Variants in LRRC7 observed in about 807,000 individuals in gnomAD.
LRRC7 encodes leucine-rich repeat-containing protein 7.
LRRC7 carries 23 observed loss-of-function variants against 175.7 expected under a neutral mutation model. The ratio of observed to expected loss-of-function variants is 0.13; its 90% CI spans 0.09 to 0.19. The LOEUF is 0.19. LRRC7 is among the 10% of genes least tolerant of loss of function. LRRC7 has a pLI of 1.00. For missense variants in LRRC7, 1,354 were observed against 1,904.7 expected (o/e 0.71, Z 5.38); for synonymous variants, 685 against 680.9 (o/e 1.01, Z -0.09).
chr1:69,966,111 G>GA (rs996675472), intron 8 of LRRC7, among the ~76,000 whole-genome samples: 6 of 151,964 alleles, frequency 3.9e-5, no homozygotes, highest in Admixed American at 2.0e-4. Flanking sequence ...TCAAAATTTA[G>GA]AAAAAAATGT....
In LRRC7 at chr1:69,594,429, A is replaced by G. The variant is rs985653092; in HGVS notation, c.2+25788A>G. On this transcript the variant is annotated intron_variant, in intron 1 of 26. Transcript: ENST00000651989. ...AAGCATTCCAGATATAAACAATCAC[A>G]TAAGTATTCTCATGTTTTCTTCTTC... Among the ~76,000 whole-genome samples the G allele has an allele frequency of 2.0e-5, 3 of 152,194 alleles. No homozygotes were observed. The East Asian group carries it at 5.8e-4, about 29-fold the overall frequency.
chr1:69,677,540 T>C (rs1659946234), intron 1 of LRRC7, among the ~76,000 whole-genome samples: 1 of 151,994 alleles, frequency 6.6e-6, no homozygotes, highest in African/African-American at 2.4e-5. Context: ...AACAGCAGTG[T>C]ATAAGTGTTC....
At chr1:69,569,259 A>G (rs1253677297) in intron 1 of LRRC7, among the ~76,000 whole-genome samples, 1 of 151,918 alleles carries the variant, frequency 6.6e-6, no homozygotes, top group Non-Finnish European at 1.5e-5. Flanking sequence ...AGACTGGAGG[A>G]CGGAAAGAAG....
At chr1:70,018,893 T>C in intron 15 of LRRC7, 75 bp downstream of exon 15, 1 of 1,095,392 alleles carries the variant, frequency 9.1e-7, no homozygotes, top group Non-Finnish European at 1.4e-6. Flanking sequence ...TTCAGATCTC[T>C]GGCCAGGAGT....
chr1:69,802,347 C>CTATATCTT (rs536237803), intron 4 of LRRC7, among the ~76,000 whole-genome samples: 200 of 151,394 alleles, frequency 1.3e-3, no homozygotes, highest in African/African-American at 4.5e-3. Context: ...TGTATTGCAT[C>CTATATCTT]TATATCTTTT....
At chr1:69,637,580 G>C (rs1009033863) in intron 1 of LRRC7, among the ~76,000 whole-genome samples, 11 of 151,844 alleles carry the variant, frequency 7.2e-5, no homozygotes, top group African/African-American at 2.7e-4. Context: ...GATTTTTGGG[G>C]AATTAAATGA....
chr1:69,664,764 C>T (rs913230925), intron 1 of LRRC7, among the ~76,000 whole-genome samples: 3 of 152,060 alleles, frequency 2.0e-5, no homozygotes, highest in Admixed American at 1.3e-4. Context: ...TGTTGTTTCA[C>T]TTTGTTGATT....
At chr1:69,735,620 G>A (rs957365891) in intron 2 of LRRC7, among the ~76,000 whole-genome samples, 2 of 152,102 alleles carry the variant, frequency 1.3e-5, no homozygotes, top group Non-Finnish European at 1.5e-5. Flanking sequence ...GGGTTTGAAA[G>A]TGTGTGAATA....
chr1:69,914,944 C>A (rs1276042310), intron 7 of LRRC7, among the ~76,000 whole-genome samples: 5 of 152,046 alleles, frequency 3.3e-5, no homozygotes, highest in Non-Finnish European at 7.4e-5. Flanking sequence ...AACTGTAGAG[C>A]ACATATTTTT....
At chr1:69,579,794 C>CTTTT (rs71242784) in intron 1 of LRRC7, among the ~76,000 whole-genome samples, 9 of 127,172 alleles carry the variant, frequency 7.1e-5, no homozygotes, top group African/African-American at 1.2e-4. Context: ...TGAATAGAAG[C>CTTTT]TTTTTTTTTT....
At chr1:69,643,069 T>C (rs1227107050) in intron 1 of LRRC7, among the ~76,000 whole-genome samples, 1 of 152,030 alleles carries the variant, frequency 6.6e-6, no homozygotes, top group East Asian at 1.9e-4. Flanking sequence ...GTGTAAGTCC[T>C]GAAATCTGAA....
At chr1:69,774,450 G>A (rs747083982) in intron 3 of LRRC7, among the ~76,000 whole-genome samples, 1 of 152,074 alleles carries the variant, frequency 6.6e-6, no homozygotes, top group African/African-American at 2.4e-5. Flanking sequence ...AACAAATCTA[G>A]AAATCTAATG....
chr1:70,119,655 A>ACTGATATTTTTAACT (rs1162868843), intron 26 of LRRC7, among the ~76,000 whole-genome samples: 4 of 152,140 alleles, frequency 2.6e-5, no homozygotes, highest in African/African-American at 7.2e-5. Flanking sequence ...CGCCCTTAAC[A>ACTGATATTTTTAACT]CTGATATTTT....
chr1:69,594,073 G>T (rs374115929), intron 1 of LRRC7, among the ~76,000 whole-genome samples: 10 of 152,184 alleles, frequency 6.6e-5, no homozygotes, highest in East Asian at 5.8e-4. Flanking sequence ...AAAATAAAGT[G>T]TCTAATATAT....
intron 4 of LRRC7, among the ~76,000 whole-genome samples, chr1:69,812,879 T>C (rs954357904): frequency 6.6e-6 from 1 of 152,186 alleles, no homozygotes; most frequent in Non-Finnish European, 1.5e-5. Context: ...GTATGGTAGA[T>C]GTTTTAGATC....
chr1:69,904,264 A>G (rs1646227145), intron 7 of LRRC7, among the ~76,000 whole-genome samples: 1 of 152,334 alleles, frequency 6.6e-6, no homozygotes, highest in South Asian at 2.1e-4. Context: ...CAGAAAAAGA[A>G]TTTTTGAGTA....
chr1:69,815,899 T>C (rs1325991082), intron 4 of LRRC7, among the ~76,000 whole-genome samples: 2 of 152,112 alleles, frequency 1.3e-5, no homozygotes, highest in Non-Finnish European at 2.9e-5. Context: ...ACTTGCCCCT[T>C]CTCACTATGT....
Position 69,868,132 on chromosome 1 carries a change from G to A in LRRC7, c.647+29849G>A, listed in dbSNP as rs186246500. 7.9e-5 allele frequency among the ~76,000 whole-genome samples: 12 copies of A among 151,984 alleles called. No individual in the cohort carries two copies. In the East Asian group the frequency reaches 2.3e-3, roughly 29 times the overall value. On this transcript the variant is annotated intron_variant, in intron 7 of 26. Transcript: ENST00000651989. Reference sequence around the variant, plus strand: ...ATTTATTGAAGTAAGCCAACATGGTGGACTATATTATGAAGCCATTAAAAT... The same window carrying A: ...ATTTATTGAAGTAAGCCAACATGGTAGACTATATTATGAAGCCATTAAAAT...
intron 7 of LRRC7, among the ~76,000 whole-genome samples, chr1:69,894,059 G>C (rs959143662): frequency 2.0e-5 from 3 of 152,116 alleles, no homozygotes; most frequent in African/African-American, 7.2e-5. Context: ...GATCAACAAA[G>C]AGAAATAAAC....
Sources: allele counts gnomAD v4.1 joint callset (sites outside exome capture counted in the v4.1 genomes callset), GRCh38; gene constraint gnomAD v4.1.1; transcripts MANE v1.5; gene names NCBI Gene and HGNC (gene_info 2026-07-23, HGNC 2026-07-21).